LOXHD1: variants seen among roughly 807,000 people sequenced by gnomAD.
LOXHD1 encodes lipoxygenase homology domain-containing protein 1.
A neutral mutation model predicts 248.2 loss-of-function variants in LOXHD1; 205 were observed. The ratio of observed to expected loss-of-function variants is 0.83; its 90% CI spans 0.74 to 0.93. The LOEUF (loss-of-function observed/expected upper bound fraction) is 0.93. Ranked by LOEUF, LOXHD1 falls within the 40% of genes least tolerant of loss-of-function variation. The pLI, the probability that LOXHD1 is intolerant of heterozygous loss-of-function variation, is 0.00. For synonymous variants in LOXHD1, 1,113 were observed against 1,162.8 expected (o/e 0.96, Z 0.87); for missense variants, 2,930 against 2,971.6 (o/e 0.99, Z 0.33).
intron 21 of LOXHD1, 96 bp from the exon 22 acceptor site, chr18:46,547,154 C>A (rs1288486234): frequency 2.2e-6 from 3 of 1,360,212 alleles, no homozygotes; most frequent in Non-Finnish European, 3.1e-6. Context: ...TCTATGGGGT[C>A]CCAAACTCTC....
chr18:46,572,178 G>A lies in LOXHD1; in HGVS notation c.1971-16C>T, dbSNP rs1363187618. 17 of 1,550,738 alleles carry A rather than the reference G, an allele frequency of 1.1e-5. No homozygotes were observed. The highest frequency in any genetic ancestry group is 3.9e-5 in the Admixed American group (2 of 50,986). ...GTCCAACCACCTGGTGGGCAAATGG[G>A]GGAATGTTAGCTCTTTGGGTGGAGC... is the stretch of plus-strand genomic sequence containing the variant. On this transcript the variant is annotated splice_polypyrimidine_tract_variant and intron_variant, in intron 14 of 40. Transcript: ENST00000642948.
At chr18:46,612,451 T>C (rs2144315542) in intron 5 of LOXHD1, among the ~76,000 whole-genome samples, 1 of 152,326 alleles carries the variant, frequency 6.6e-6, no homozygotes, top group Non-Finnish European at 1.5e-5. Context: ...TTAATTTGCA[T>C]TCCCCTGCTT....
intron 4 of LOXHD1, among the ~76,000 whole-genome samples, chr18:46,639,306 G>A (rs1019668168): frequency 2.0e-5 from 3 of 152,316 alleles, no homozygotes; most frequent in East Asian, 3.9e-4. Flanking sequence ...GGGGACTTCC[G>A]ATAGATACCC....
Position 46,507,560 on chromosome 18 carries a change from T to C in LOXHD1, c.5670A>G (p.Ala1890=), listed in dbSNP as rs1333811493. 1 of 1,551,578 alleles carries C rather than the reference T, an allele frequency of 6.4e-7. No homozygotes were observed. The highest frequency in any genetic ancestry group is 8.7e-7 in the Non-Finnish European group (1 of 1,146,980). ...EMMEWTSYTV[A]VKTSDILGAG... is the part of the protein sequence containing the mutation. ...CACCCAGGATGTCGCTGGTCTTAAC[T>C]GCGACGGTGTAGGAGGTCCACTCCA... The change falls in exon 36 of 41, where the codon GCA becomes GCG. Residue 1890 remains alanine (A), a synonymous_variant. Coordinates refer to ENST00000642948, the MANE Select transcript of LOXHD1 (RefSeq NM_001384474.1).
intron 14 of LOXHD1, among the ~76,000 whole-genome samples, chr18:46,574,165 C>T (rs1306730465): frequency 6.6e-6 from 1 of 152,052 alleles, no homozygotes; most frequent in Non-Finnish European, 1.5e-5. Flanking sequence ...ACTTATCCAC[C>T]CCCAGGCCCT....
chr18:46,560,652 G>T, intron 18 of LOXHD1, 107 bp from the exon 19 acceptor site: 2 of 1,064,394 alleles, frequency 1.9e-6, no homozygotes, highest in South Asian at 1.6e-5. Context: ...TTGCTAAGCT[G>T]CAGGATGGAG....
Position 46,657,175 on chromosome 18 carries a change from T to C in LOXHD1, c.-142A>G, listed in dbSNP as rs1400221122. The C allele has an allele frequency of 4.4e-6, 6 of 1,370,586 alleles. No homozygotes were observed. Among genetic ancestry groups the C allele is most frequent in the Non-Finnish European group, 5.9e-6 (6 of 1,017,130 alleles). The allele number at this position is 1,370,586 out of a possible 1,614,324, so 84.9% of individuals were successfully genotyped here. On this transcript the variant is annotated 5_prime_UTR_variant, in exon 1 of 41. Transcript: ENST00000642948. ...CCTGGGTGGGCCAGAGTGCCCCGTT[T>C]TCTTGGCTTCCCCGTGCCCAAGGTG... is the stretch of plus-strand genomic sequence containing the variant.
Position 46,524,978 on chromosome 18 carries a change from C to A in LOXHD1, c.4531-61G>T, listed in dbSNP as rs533067488. ...GTGCCACCCACTCAACCCACTCCAGCCCCACCCTTCTGGGACCTTCCTTCC... is the reference window on the plus strand; with the variant it reads ...GTGCCACCCACTCAACCCACTCCAGACCCACCCTTCTGGGACCTTCCTTCC... On this transcript the variant is annotated intron_variant, in intron 29 of 40. Coordinates refer to ENST00000642948, the MANE Select transcript of LOXHD1 (RefSeq NM_001384474.1). 3.3e-6 allele frequency: 5 copies of A among 1,526,530 alleles called. No homozygotes were observed. In the Admixed American group the frequency reaches 5.9e-5, roughly 18 times the overall value. The allele number at this position is 1,526,530 out of a possible 1,614,324, so 94.6% of individuals were successfully genotyped here. A position where few individuals can be genotyped will look rare whatever the true frequency, so the allele number is the denominator to read the frequency against.
At chr18:46,578,205 G>C (rs1223874106) in intron 13 of LOXHD1, among the ~76,000 whole-genome samples, 1 of 152,212 alleles carries the variant, frequency 6.6e-6, no homozygotes, top group Non-Finnish European at 1.5e-5. Context: ...GAGGGATACT[G>C]GGCCCCTTCC....
intron 14 of LOXHD1, among the ~76,000 whole-genome samples, chr18:46,572,739 G>C (rs1389624472): frequency 2.0e-5 from 3 of 152,120 alleles, no homozygotes; most frequent in African/African-American, 7.2e-5. Context: ...GCTAGGATAC[G>C]TAAGGCCCAG....
At chr18:46,567,299 C>G (rs1021109357) in intron 16 of LOXHD1, among the ~76,000 whole-genome samples, 9 of 152,240 alleles carry the variant, frequency 5.9e-5, no homozygotes, top group African/African-American at 2.2e-4. Context: ...GAGTCTGGTG[C>G]CAAAAGGCCA....
At position 46,557,528 on chromosome 18, in the gene LOXHD1, A is replaced by T. The variant is rs759113040; in HGVS notation, c.3217-39T>A. 1.4e-5 allele frequency: 21 copies of T among 1,550,456 alleles called. No homozygotes were observed. In the South Asian group the frequency reaches 2.3e-4, roughly 17 times the overall value. On this transcript the variant is annotated intron_variant, in intron 20 of 40. Transcript: ENST00000642948. ...GGGAACACTCAGTGGGGTAAGACCT[A>T]CCCCTCCCCACATGGCCATCAGCCC...
At position 46,477,609 on chromosome 18, in the gene LOXHD1, A is replaced by C. The variant is rs1312281442; in HGVS notation, c.6685T>G (p.Cys2229Gly). The C allele has an allele frequency of 1.3e-6, 2 of 1,551,760 alleles. No individual in the cohort carries two copies. Among genetic ancestry groups the C allele is most frequent in the Admixed American group, 3.9e-5 (2 of 51,018 alleles). The change falls in exon 41 of 41, where the codon TGC becomes GGC. Residue 2229 changes from cysteine (C) to glycine (G), a missense_variant. Transcript: ENST00000642948. The stretch of plus-strand genomic sequence containing the variant: ...ACCTTCTCCACCAGCCAGCCTGAGC[A>C]GTAGCCACTGCTGTCGTGCTCCAGG... ...VRLEHDSSGY[C>G]SGWLVEKVEV...
chr18:46,483,132 G>C (rs1264870663), intron 40 of LOXHD1, among the ~76,000 whole-genome samples: 1 of 152,208 alleles, frequency 6.6e-6, no homozygotes, highest in Non-Finnish European at 1.5e-5. Context: ...CTGTGAGGCA[G>C]ATGGACCATT....
At chr18:46,512,791 C>T (rs752140996) in intron 34 of LOXHD1, among the ~76,000 whole-genome samples, 2 of 152,220 alleles carry the variant, frequency 1.3e-5, no homozygotes, top group South Asian at 2.1e-4. Flanking sequence ...TCCCTCTCTA[C>T]CCCTTTGAAA....
chr18:46,516,411 C>T (rs994408431), intron 34 of LOXHD1, among the ~76,000 whole-genome samples: 3 of 152,170 alleles, frequency 2.0e-5, no homozygotes, highest in South Asian at 2.1e-4. Flanking sequence ...CAAAATGAGA[C>T]AGCAGAAGTG....
intron 2 of LOXHD1, among the ~76,000 whole-genome samples, chr18:46,647,628 G>A (rs509949): frequency 1.1e-4 from 17 of 152,316 alleles, no homozygotes; most frequent in African/African-American, 3.6e-4. Flanking sequence ...CTGCAAGCGA[G>A]TCAAACTGCA....
Position 46,484,539 on chromosome 18 carries a change from C to A in LOXHD1, c.6182+480G>T, listed in dbSNP as rs535717752. On this transcript the variant is annotated intron_variant, in intron 39 of 40. Transcript: ENST00000642948. Reference sequence around the variant, plus strand: ...TGGTGCCTTGGTCCTGGACTCCCAGCCTCTAGAACTGTGAGAAATACATTT... The same window carrying A: ...TGGTGCCTTGGTCCTGGACTCCCAGACTCTAGAACTGTGAGAAATACATTT... 2.6e-5 allele frequency among the ~76,000 whole-genome samples: 4 copies of A among 152,292 alleles called. No homozygotes were observed. The East Asian group carries it at 5.8e-4, about 22-fold the overall frequency.
chr18:46,629,539 C>T (rs1328921000), intron 4 of LOXHD1, among the ~76,000 whole-genome samples: 1 of 152,014 alleles, frequency 6.6e-6, no homozygotes, highest in East Asian at 1.9e-4. Flanking sequence ...CTTTCTTATC[C>T]CATTCTCCCC....
Sources: allele counts gnomAD v4.1 joint callset (sites outside exome capture counted in the v4.1 genomes callset), GRCh38; gene constraint gnomAD v4.1.1; transcripts MANE v1.5; gene names NCBI Gene and HGNC (gene_info 2026-07-23, HGNC 2026-07-21).